Variants in THSD4 observed in about 807,000 individuals in gnomAD.
The protein encoded by THSD4 is thrombospondin type 1 domain containing 4.
In THSD4, 69 loss-of-function variants were observed where a neutral mutation model predicts 119.0. That is an observed-to-expected ratio of 0.58 (90% CI 0.48 to 0.71). The LOEUF is 0.71. Ranked by LOEUF, THSD4 falls within the 30% of genes least tolerant of loss-of-function variation. THSD4 has a pLI of 0.00. For missense variants in THSD4, 1,393 were observed against 1,391.1 expected, an observed-to-expected ratio of 1.00 and a Z score of -0.02; for synonymous variants, 524 against 540.4, an observed-to-expected ratio of 0.97 and a Z score of 0.42.
intron 4 of THSD4, among the ~76,000 whole-genome samples, chr15:71,229,309 C>T (rs2044042775): frequency 6.6e-6 from 1 of 152,134 alleles, no homozygotes; most frequent in Admixed American, 6.5e-5. Flanking sequence ...ACAGCATAGC[C>T]ATCTACATAC....
chr15:71,438,814 T>C (rs2047050475), intron 7 of THSD4, among the ~76,000 whole-genome samples: 1 of 152,246 alleles, frequency 6.6e-6, no homozygotes, highest in Non-Finnish European at 1.5e-5. Flanking sequence ...GGCTAATGCA[T>C]TTATGGACTT....
chr15:71,361,093 G>C (rs978355827), intron 6 of THSD4, among the ~76,000 whole-genome samples: 2 of 152,192 alleles, frequency 1.3e-5, no homozygotes, highest in Non-Finnish European at 2.9e-5. Flanking sequence ...GCAGGCAAGG[G>C]TGGCACATGC....
rs373695471 is a variant in THSD4 at position 71,731,206 on chromosome 15, A to G, written c.1619A>G (p.His540Arg). The G allele has an allele frequency of 2.6e-5, 42 of 1,614,178 alleles. No individual in the cohort carries two copies. The Middle Eastern group carries it at 4.9e-4, about 19-fold the overall frequency. ...TNAISPQVPPHRRPGEPFNGQ... is the reference protein window; with the variant it reads ...TNAISPQVPPRRRPGEPFNGQ... ...GCCATCAGCCCCCAGGTGCCACCCC[A>G]CAGGAGACCAGGTAGAATCCCTTGT... Residue 540 changes from histidine (H) to arginine (R), a missense_variant, in exon 10 of 18, where the codon CAC becomes CGC. Coordinates refer to ENST00000261862, the MANE Select transcript of THSD4 (RefSeq NM_024817.3).
rs184050118 is a variant in THSD4 at position 71,130,905 on chromosome 15, C to T, written c.-79-10544C>T. Among the ~76,000 whole-genome samples the T allele has an allele frequency of 2.4e-4, 36 of 152,188 alleles. 1 individual carries two copies. Among genetic ancestry groups the T allele is most frequent in the African/African-American group, 4.3e-4 (18 of 41,508 alleles). On this transcript the variant is annotated intron_variant, in intron 1 of 17. Transcript: ENST00000261862. ...GACTACAGGCGCCCGCTACCACGCC[C>T]GTCTATTTTTTTGTATTTTTAGTAG...
At chr15:71,280,826 C>T (rs1324510013) in intron 6 of THSD4, among the ~76,000 whole-genome samples, 1 of 152,158 alleles carries the variant, frequency 6.6e-6, no homozygotes, top group Non-Finnish European at 1.5e-5. Context: ...TTTTTGTGCC[C>T]AGCATACCCG....
chr15:71,097,017 T>C (rs1337064139), intron 1 of THSD4: 1 of 152,220 alleles, frequency 6.6e-6, no homozygotes, highest in Admixed American at 6.5e-5. Flanking sequence ...GCAAGTGATA[T>C]TGCTTTATAT....
intron 6 of THSD4, among the ~76,000 whole-genome samples, chr15:71,379,124 C>A (rs531893458): frequency 1.3e-5 from 2 of 152,180 alleles, no homozygotes; most frequent in East Asian, 3.9e-4. Context: ...AGATCAAAAG[C>A]TTTTTAAGGC....
At chr15:71,147,340 G>T (rs952638043) in intron 2 of THSD4, among the ~76,000 whole-genome samples, 1 of 152,098 alleles carries the variant, frequency 6.6e-6, no homozygotes, top group Admixed American at 6.5e-5. Flanking sequence ...GAGTAGCTGA[G>T]ACTACAGGTG....
chr15:71,193,991 G>A (rs764664451), intron 3 of THSD4, among the ~76,000 whole-genome samples: 76 of 152,164 alleles, frequency 5.0e-4, no homozygotes, highest in Admixed American at 1.6e-3. Context: ...GATTACAGGC[G>A]TGAGCCACCG....
chr15:71,566,754 C>A (rs2049248345), intron 7 of THSD4, among the ~76,000 whole-genome samples: 1 of 148,892 alleles, frequency 6.7e-6, no homozygotes, highest in Middle Eastern at 3.4e-3. Context: ...TCCCCCTGCT[C>A]CCCGCTCCCC....
intron 7 of THSD4, among the ~76,000 whole-genome samples, chr15:71,498,010 A>C (rs1300753926): frequency 1.3e-5 from 2 of 152,236 alleles, no homozygotes; most frequent in African/African-American, 4.8e-5. Flanking sequence ...GTGGGTTATA[A>C]GTGATTCTCA....
intron 4 of THSD4, among the ~76,000 whole-genome samples, chr15:71,238,354 T>C (rs1255401953): frequency 6.6e-6 from 1 of 152,232 alleles, no homozygotes; most frequent in Non-Finnish European, 1.5e-5. Flanking sequence ...TTAAAAATAC[T>C]ATGTAACTCA....
chr15:71,426,365 C>CTGTGTGTGTGTGTG (rs199965138), intron 7 of THSD4, among the ~76,000 whole-genome samples: 22 of 102,570 alleles, frequency 2.1e-4, no homozygotes, highest in African/African-American at 7.5e-4. Flanking sequence ...GTAAGTATAG[C>CTGTGTGTGTGTGTG]TGTGTGTGTG....
rs1195413080 is a variant in THSD4, at chr15:71,442,579, A to AAAAAAAATAT, written c.1152+30757_1152+30758insAAAAAATATA. On this transcript the variant is annotated intron_variant, in intron 7 of 17. Coordinates refer to ENST00000261862, the MANE Select transcript of THSD4 (RefSeq NM_024817.3). Reference sequence around the variant, plus strand: ...GCAAAACTCCATCTCAAAAAAAAAAAATATATATATATATATATATATGTG... The same window carrying AAAAAAAATAT: ...GCAAAACTCCATCTCAAAAAAAAAAAAAAAAAATATATATATATATATATATATATATGTG... Among the ~76,000 whole-genome samples, 67 of 39,854 alleles carry AAAAAAAATAT rather than the reference A, an allele frequency of 1.7e-3. 3 individuals carry two copies. Among genetic ancestry groups the AAAAAAAATAT allele is most frequent in the African/African-American group, 4.6e-3 (63 of 13,610 alleles). 26.1% of individuals were successfully genotyped at this position (39,854 alleles called of 152,430 possible). A position where few individuals can be genotyped will look rare whatever the true frequency, so the allele number is the denominator to read the frequency against.
intron 7 of THSD4, among the ~76,000 whole-genome samples, chr15:71,634,169 A>G (rs2050691279): frequency 6.6e-6 from 1 of 151,198 alleles, no homozygotes; most frequent in Non-Finnish European, 1.5e-5. Flanking sequence ...CCTGGGCAAC[A>G]AGAGTGAAAC....
chr15:71,426,707 C>G (rs1389491823), intron 7 of THSD4, among the ~76,000 whole-genome samples: 1 of 152,156 alleles, frequency 6.6e-6, no homozygotes, highest in East Asian at 1.9e-4. Flanking sequence ...TGGACTCTCT[C>G]TCTTATAAAC....
intron 8 of THSD4, among the ~76,000 whole-genome samples, chr15:71,705,916 T>C (rs1210003246): frequency 6.6e-5 from 10 of 152,038 alleles, no homozygotes; most frequent in Non-Finnish European, 1.5e-4. Flanking sequence ...TTACTTCTAG[T>C]TGGGGTGGCA....
intron 7 of THSD4, among the ~76,000 whole-genome samples, chr15:71,601,252 C>G (rs1445983075): frequency 6.6e-6 from 1 of 152,214 alleles, no homozygotes; most frequent in African/African-American, 2.4e-5. Flanking sequence ...TGTGTGAGAG[C>G]AGATCCTCTC....
intron 7 of THSD4, among the ~76,000 whole-genome samples, chr15:71,446,285 A>G (rs1026834310): frequency 1.3e-5 from 2 of 152,130 alleles, no homozygotes; most frequent in Non-Finnish European, 2.9e-5. Context: ...AAGTATAGCA[A>G]CCACTTTAAT....
Sources: gnomAD v4.1 joint callset for allele counts (sites outside exome capture counted in the v4.1 genomes callset) on GRCh38, gnomAD v4.1.1 for gene constraint, MANE v1.5 for transcripts, NCBI Gene and HGNC (gene_info 2026-07-23, HGNC 2026-07-21) for gene names.